Variants in CACNA2D1 observed in about 807,000 individuals in gnomAD.
The protein encoded by CACNA2D1 is calcium voltage-gated channel auxiliary subunit alpha2delta 1, also known as voltage-dependent calcium channel subunit alpha-2/delta-1.
A neutral mutation model predicts 171.5 loss-of-function variants in CACNA2D1; 53 were observed. The observed-to-expected ratio is 0.31, with a 90% confidence interval of 0.25 to 0.39. CACNA2D1 has a LOEUF of 0.39. CACNA2D1 is among the 10% of genes least tolerant of loss of function. CACNA2D1 has a pLI of 1.00. For synonymous variants in CACNA2D1, 442 were observed against 443.1 expected, an observed-to-expected ratio of 1.00 and a Z score of 0.03; for missense variants, 903 against 1,299.8, an observed-to-expected ratio of 0.69 and a Z score of 4.69.
chr7:82,211,816 A>T (rs1800587673), intron 3 of CACNA2D1, among the ~76,000 whole-genome samples: 1 of 152,182 alleles, frequency 6.6e-6, no homozygotes, highest in Non-Finnish European at 1.5e-5. Context: ...ACTAATTTAC[A>T]TTCCCACTGG....
At chr7:82,200,030 C>T (rs1454528642) in intron 3 of CACNA2D1, among the ~76,000 whole-genome samples, 1 of 151,956 alleles carries the variant, frequency 6.6e-6, no homozygotes, top group Non-Finnish European at 1.5e-5. Context: ...GAAAAACACA[C>T]CTATAGGACA....
chr7:82,435,881 A>G (rs974128767), intron 1 of CACNA2D1, among the ~76,000 whole-genome samples: 2 of 152,216 alleles, frequency 1.3e-5, no homozygotes, highest in Admixed American at 6.5e-5. Flanking sequence ...AGGATGCAAG[A>G]AATTTATAAC....
intron 3 of CACNA2D1, among the ~76,000 whole-genome samples, chr7:82,194,322 C>A (rs1798637119): frequency 6.6e-6 from 1 of 151,868 alleles, no homozygotes; most frequent in Non-Finnish European, 1.5e-5. Flanking sequence ...TTGCTTTGTG[C>A]CAAAAATGAC....
At chr7:82,087,413 C>T (rs1810602806) in intron 6 of CACNA2D1, among the ~76,000 whole-genome samples, 1 of 152,056 alleles carries the variant, frequency 6.6e-6, no homozygotes, top group African/African-American at 2.4e-5. Context: ...GAGATTTATA[C>T]TACGGAGAGA....
At chr7:82,301,776 G>T (rs867003167) in intron 3 of CACNA2D1, among the ~76,000 whole-genome samples, 2 of 138,658 alleles carry the variant, frequency 1.4e-5, no homozygotes, top group South Asian at 2.2e-4. Context: ...CACACACATA[G>T]AGAGAGAGAG....
intron 4 of CACNA2D1, among the ~76,000 whole-genome samples, chr7:82,157,653 C>A (rs3801732): frequency 0.4 from 60,394 of 151,576 alleles, 12,231 homozygotes; most frequent in Middle Eastern, 0.53. Flanking sequence ...AGCAGGCTTA[C>A]GTTATCTTGA....
chr7:81,994,496 A>G (rs969372551), intron 20 of CACNA2D1, among the ~76,000 whole-genome samples: 5 of 152,114 alleles, frequency 3.3e-5, no homozygotes, highest in Non-Finnish European at 7.4e-5. Context: ...TAAAACATAT[A>G]GCTATTAAAT....
At chr7:82,253,029 G>A (rs1434580414) in intron 3 of CACNA2D1, among the ~76,000 whole-genome samples, 2 of 152,152 alleles carry the variant, frequency 1.3e-5, no homozygotes, top group Non-Finnish European at 2.9e-5. Flanking sequence ...TTAACCAGCT[G>A]AGGAATAAAA....
At chr7:82,119,101 A>G (rs1789416037) in intron 5 of CACNA2D1, among the ~76,000 whole-genome samples, 1 of 152,116 alleles carries the variant, frequency 6.6e-6, no homozygotes, top group Non-Finnish European at 1.5e-5. Flanking sequence ...AGAATGTCTC[A>G]TGTAGTAATT....
chr7:82,358,172 A>G (rs935277208), intron 1 of CACNA2D1, among the ~76,000 whole-genome samples: 6 of 152,214 alleles, frequency 3.9e-5, no homozygotes. Flanking sequence ...TCCACTTGCT[A>G]TAAATACCCT....
chr7:82,436,880 A>C (rs1830153387), intron 1 of CACNA2D1, among the ~76,000 whole-genome samples: 2 of 152,202 alleles, frequency 1.3e-5, no homozygotes, highest in African/African-American at 4.8e-5. Flanking sequence ...ATAGTTTGAC[A>C]GTATGCACCT....
chr7:82,161,406 G>A (rs957712960), intron 4 of CACNA2D1, among the ~76,000 whole-genome samples: 2 of 151,946 alleles, frequency 1.3e-5, no homozygotes, highest in East Asian at 3.9e-4. Flanking sequence ...AGTGGATTCC[G>A]ATTCATAATT....
chr7:82,189,722 AAAG>A (rs1372069450), intron 3 of CACNA2D1, among the ~76,000 whole-genome samples: 1 of 151,868 alleles, frequency 6.6e-6, no homozygotes, highest in Non-Finnish European at 1.5e-5. Context: ...TTGACACAGA[AAAG>A]AATACATAAG....
At chr7:82,070,951 CAAAT>C (rs1224643784) in intron 7 of CACNA2D1, among the ~76,000 whole-genome samples, 3 of 152,036 alleles carry the variant, frequency 2.0e-5, no homozygotes, top group Non-Finnish European at 4.4e-5. Context: ...TAGAATCTAA[CAAAT>C]AAATAAAACA....
At chr7:82,026,047 G>GTTT (rs1224426188) in intron 12 of CACNA2D1, among the ~76,000 whole-genome samples, 2 of 132,748 alleles carry the variant, frequency 1.5e-5, no homozygotes, top group Non-Finnish European at 3.3e-5. Context: ...TCTCGTGTCA[G>GTTT]TTTTTTTTTT....
chr7:82,075,868 AAC>A (rs1388083523), intron 7 of CACNA2D1, among the ~76,000 whole-genome samples: 1 of 152,352 alleles, frequency 6.6e-6, no homozygotes, highest in African/African-American at 2.4e-5. Context: ...GAAATTTGGT[AAC>A]ACAGAAAGAA....
chr7:82,110,581 A>G (rs1788260412), intron 6 of CACNA2D1, among the ~76,000 whole-genome samples: 1 of 152,174 alleles, frequency 6.6e-6, no homozygotes, highest in Admixed American at 6.5e-5. Flanking sequence ...TGTGGCTGAC[A>G]TGGCGTCTGC....
intron 3 of CACNA2D1, among the ~76,000 whole-genome samples, chr7:82,272,128 T>A (rs1808713746): frequency 6.6e-6 from 1 of 152,190 alleles, no homozygotes; most frequent in Non-Finnish European, 1.5e-5. Context: ...ATATAATCTC[T>A]AAAAGACAGA....
At chr7:82,341,566 T>C (rs1313362727) in intron 2 of CACNA2D1, among the ~76,000 whole-genome samples, 6 of 152,198 alleles carry the variant, frequency 3.9e-5, no homozygotes, top group African/African-American at 1.4e-4. Context: ...TGATGTAATC[T>C]ACTAAATAAA....
Sources: allele counts gnomAD v4.1 joint callset (sites outside exome capture counted in the v4.1 genomes callset), GRCh38; gene constraint gnomAD v4.1.1; transcripts MANE v1.5; gene names NCBI Gene and HGNC (gene_info 2026-07-23, HGNC 2026-07-21).